The following FHIT variants were observed in gnomAD, a reference collection of about 807,000 sequenced individuals.
The protein encoded by FHIT is fragile histidine triad diadenosine triphosphatase.
FHIT carries 19 observed loss-of-function variants against 17.9 expected under a neutral mutation model. The observed-to-expected ratio is 1.06, with a 90% CI of 0.74 to 1.56. The LOEUF (loss-of-function observed/expected upper bound fraction) is 1.56. Among genes scored for constraint, FHIT ranks in the 40% most tolerant of loss-of-function variants. The probability of loss-of-function intolerance (pLI) is 0.00; values close to 1 mark genes in which losing one functional copy is unlikely to be tolerated. For synonymous variants in FHIT, 81 were observed against 69.7 expected (o/e 1.16, Z -0.81); for missense variants, 248 against 189.2 (o/e 1.31, Z -1.82).
At chr3:59,984,650 A>C (rs916258797) in intron 7 of FHIT, among the ~76,000 whole-genome samples, 7 of 152,108 alleles carry the variant, frequency 4.6e-5, no homozygotes, top group African/African-American at 1.4e-4. Context: ...AATGGAACCA[A>C]GGCACACAGC....
intron 1 of FHIT, among the ~76,000 whole-genome samples, chr3:61,245,912 G>A (rs1167388080): frequency 6.6e-6 from 1 of 152,164 alleles, no homozygotes; most frequent in Non-Finnish European, 1.5e-5. Context: ...TGCATTCCCA[G>A]GAGGTTAAGG....
At chr3:60,370,621 T>C (rs1239645169) in intron 5 of FHIT, among the ~76,000 whole-genome samples, 76 of 152,312 alleles carry the variant, frequency 5.0e-4, no homozygotes, top group African/African-American at 1.9e-4. Flanking sequence ...GGTGGACTTA[T>C]ACCCCTCTTC....
chr3:60,976,096 C>CT (rs869239307), intron 3 of FHIT, among the ~76,000 whole-genome samples: 709 of 66,720 alleles, frequency 0.011, 61 homozygotes, highest in Middle Eastern at 0.029. Context: ...TTTTCTTTTT[C>CT]TTTTTTTTTT....
chr3:60,314,774 G>C (rs2062521495), intron 5 of FHIT, among the ~76,000 whole-genome samples: 1 of 152,120 alleles, frequency 6.6e-6, no homozygotes, highest in Non-Finnish European at 1.5e-5. Flanking sequence ...TGGGGCCACT[G>C]AGTATTTTCA....
intron 8 of FHIT, among the ~76,000 whole-genome samples, chr3:59,817,331 AC>A (rs1343361302): frequency 6.6e-6 from 1 of 152,146 alleles, no homozygotes; most frequent in African/African-American, 2.4e-5. Flanking sequence ...ACATGTTATT[AC>A]CAGTTGGAAC....
chr3:60,092,328 A>G (rs981447887), intron 5 of FHIT, among the ~76,000 whole-genome samples: 5 of 152,238 alleles, frequency 3.3e-5, no homozygotes, highest in African/African-American at 9.6e-5. Flanking sequence ...ACATGGCCTC[A>G]GAACACAAGT....
intron 4 of FHIT, among the ~76,000 whole-genome samples, chr3:60,638,664 T>C (rs1366739389): frequency 2.0e-5 from 3 of 152,122 alleles, no homozygotes; most frequent in Admixed American, 2.0e-4. Flanking sequence ...TTATGGCTCA[T>C]GGTGTGATGC....
chr3:60,137,227 T>C (rs1438073322), intron 5 of FHIT, among the ~76,000 whole-genome samples: 5 of 152,154 alleles, frequency 3.3e-5, no homozygotes, highest in Admixed American at 1.3e-4. Context: ...GGAATCCCTA[T>C]TGATGCCAGA....
At chr3:60,597,878 T>C (rs994423272) in intron 4 of FHIT, among the ~76,000 whole-genome samples, 13 of 152,162 alleles carry the variant, frequency 8.5e-5, no homozygotes, top group African/African-American at 2.9e-4. Flanking sequence ...ACTCTCTGTC[T>C]AGTAAGTTAG....
At chr3:60,653,917 C>A (rs1178475594) in intron 4 of FHIT, among the ~76,000 whole-genome samples, 1 of 152,156 alleles carries the variant, frequency 6.6e-6, no homozygotes, top group African/African-American at 2.4e-5. Context: ...ATGTAATCCC[C>A]GGTGCTGGAG....
chr3:60,193,395 A>T (rs1305466777), intron 5 of FHIT, among the ~76,000 whole-genome samples: 3 of 152,216 alleles, frequency 2.0e-5, no homozygotes, highest in Non-Finnish European at 4.4e-5. Context: ...GGAGGAGACA[A>T]TGAGACTCTA....
intron 5 of FHIT, among the ~76,000 whole-genome samples, chr3:60,295,992 A>G (rs1708189866): frequency 6.6e-6 from 1 of 152,102 alleles, no homozygotes; most frequent in South Asian, 2.1e-4. Context: ...TGTGATAGTG[A>G]AGAAGTCTCA....
chr3:60,121,337 C>T (rs1459457064), intron 5 of FHIT, among the ~76,000 whole-genome samples: 1 of 152,142 alleles, frequency 6.6e-6, no homozygotes, highest in Non-Finnish European at 1.5e-5. Context: ...CCCCCTTTAT[C>T]TGCTGTTTCA....
chr3:59,857,712 T>TTTTTTTTTG (rs1553698010), intron 8 of FHIT, among the ~76,000 whole-genome samples: 1 of 149,550 alleles, frequency 6.7e-6, no homozygotes. Flanking sequence ...TGGGTTTTTT[T>TTTTTTTTTG]TTTTTTTTTT....
At chr3:59,875,586 C>G (rs1163972645) in intron 8 of FHIT, among the ~76,000 whole-genome samples, 1 of 152,096 alleles carries the variant, frequency 6.6e-6, no homozygotes, top group African/African-American at 2.4e-5. Flanking sequence ...TCAGGAGCAT[C>G]TAGATATCTT....
At chr3:60,343,701 T>C (rs970814127) in intron 5 of FHIT, among the ~76,000 whole-genome samples, 3 of 152,216 alleles carry the variant, frequency 2.0e-5, no homozygotes, top group Non-Finnish European at 4.4e-5. Context: ...CTATCTATAG[T>C]AGAATACCTC....
intron 5 of FHIT, among the ~76,000 whole-genome samples, chr3:60,407,374 A>G (rs1487723011): frequency 6.6e-6 from 1 of 152,110 alleles, no homozygotes; most frequent in African/African-American, 2.4e-5. Flanking sequence ...ACCCCAAAAG[A>G]TAAGTAATTG....
At chr3:60,242,840 T>C (rs1034996659) in intron 5 of FHIT, among the ~76,000 whole-genome samples, 5 of 152,024 alleles carry the variant, frequency 3.3e-5, no homozygotes, top group Non-Finnish European at 5.9e-5. Context: ...TTCATATATA[T>C]ATATTTATAT....
intron 4 of FHIT, among the ~76,000 whole-genome samples, chr3:60,588,364 T>C (rs528994043): frequency 6.6e-6 from 1 of 151,900 alleles, no homozygotes; most frequent in Non-Finnish European, 1.5e-5. Context: ...GTCAAATGAC[T>C]GAAATCTAAG....
Sources: gnomAD v4.1 joint callset for allele counts (sites outside exome capture counted in the v4.1 genomes callset) on GRCh38, gnomAD v4.1.1 for gene constraint, MANE v1.5 for transcripts, NCBI Gene and HGNC (gene_info 2026-07-23, HGNC 2026-07-21) for gene names.